LRBA: variants seen among roughly 807,000 people sequenced by gnomAD.
LRBA encodes lipopolysaccharide-responsive and beige-like anchor protein.
Under a neutral mutation model 330.0 loss-of-function variants are expected in LRBA, and 176 were observed. The observed-to-expected ratio is 0.53, with a 90% CI of 0.47 to 0.60. The LOEUF is 0.60. Ranked by LOEUF, LRBA falls within the 20% of genes least tolerant of loss-of-function variation. The pLI, the probability that LRBA is intolerant of heterozygous loss-of-function variation, is 0.00. For synonymous variants in LRBA, 1,230 were observed against 1,193.0 expected, an observed-to-expected ratio of 1.03 and a Z score of -0.64; for missense variants, 3,259 against 3,444.8, an observed-to-expected ratio of 0.95 and a Z score of 1.35.
At chr4:151,009,945 A>T (rs1272174597) in intron 2 of LRBA, among the ~76,000 whole-genome samples, 1 of 152,148 alleles carries the variant, frequency 6.6e-6, no homozygotes, top group Admixed American at 6.5e-5. Context: ...GCGCCACTGC[A>T]CTCCAGCATG....
chr4:150,654,760 T>C (rs1475732982), intron 37 of LRBA, among the ~76,000 whole-genome samples: 4 of 152,176 alleles, frequency 2.6e-5, no homozygotes, highest in Non-Finnish European at 4.4e-5. Context: ...GTTCTCATTG[T>C]TCGATTCCCA....
chr4:150,763,649 A>G (rs1389043248), intron 34 of LRBA, among the ~76,000 whole-genome samples: 1 of 151,958 alleles, frequency 6.6e-6, no homozygotes, highest in East Asian at 1.9e-4. Flanking sequence ...GACAAAAAGC[A>G]GAAACCTCAA....
intron 28 of LRBA, among the ~76,000 whole-genome samples, chr4:150,834,517 C>T (rs1346203584): frequency 1.3e-5 from 2 of 152,178 alleles, no homozygotes; most frequent in East Asian, 1.9e-4. Flanking sequence ...TTTGAAAAGA[C>T]TCTTTTCTTC....
intron 37 of LRBA, among the ~76,000 whole-genome samples, chr4:150,625,247 T>C (rs766589123): frequency 6.6e-6 from 1 of 152,136 alleles, no homozygotes; most frequent in Non-Finnish European, 1.5e-5. Flanking sequence ...CAATCACCTT[T>C]TGAAATCTAC....
At chr4:150,579,186 T>C in intron 40 of LRBA, 1 of 456,514 alleles carries the variant, frequency 2.2e-6, no homozygotes, top group South Asian at 1.5e-5. Context: ...TAATACACCA[T>C]CAAGGAGCTG....
intron 31 of LRBA, among the ~76,000 whole-genome samples, chr4:150,814,838 A>G (rs1275656050): frequency 2.0e-5 from 3 of 152,020 alleles, no homozygotes; most frequent in Non-Finnish European, 4.4e-5. Flanking sequence ...CAAGATAGCA[A>G]ATTGTTTTAT....
chr4:150,804,021 G>A (rs1578833493), intron 33 of LRBA, among the ~76,000 whole-genome samples: 1 of 151,904 alleles, frequency 6.6e-6, no homozygotes, highest in East Asian at 1.9e-4. Flanking sequence ...CTTACTCACT[G>A]TAATAAAATT....
At chr4:150,465,747 C>A (rs1249041738) in intron 44 of LRBA, among the ~76,000 whole-genome samples, 1 of 152,092 alleles carries the variant, frequency 6.6e-6, no homozygotes. Flanking sequence ...CCTTATTAGA[C>A]ATGTGATCCA....
chr4:150,555,655 G>A (rs1767211666), intron 40 of LRBA, among the ~76,000 whole-genome samples: 1 of 151,642 alleles, frequency 6.6e-6, no homozygotes. Context: ...GGAGGCTAAG[G>A]CAGGAGAATC....
intron 46 of LRBA, among the ~76,000 whole-genome samples, chr4:150,420,277 A>G (rs1748460241): frequency 6.8e-6 from 1 of 147,778 alleles, no homozygotes; most frequent in South Asian, 2.1e-4. Flanking sequence ...GTATATATAT[A>G]AAGTATATAT....
intron 40 of LRBA, among the ~76,000 whole-genome samples, chr4:150,514,399 A>G (rs1348693650): frequency 6.6e-6 from 1 of 151,946 alleles, no homozygotes; most frequent in African/African-American, 2.4e-5. Flanking sequence ...GACAACCTGG[A>G]TGATATCTAT....
chr4:150,701,909 T>C (rs1202026022), intron 36 of LRBA, among the ~76,000 whole-genome samples: 1 of 152,140 alleles, frequency 6.6e-6, no homozygotes, highest in Non-Finnish European at 1.5e-5. Flanking sequence ...GGCAGAACCA[T>C]CCTGGGCCAA....
chr4:150,914,093 C>CTTT, intron 9 of LRBA, 102 bp downstream of exon 9: 11 of 720,450 alleles, frequency 1.5e-5, no homozygotes, highest in East Asian at 6.3e-5. Context: ...TCTCATTTTT[C>CTTT]TTTTTTTTTT....
At chr4:150,678,825 G>A (rs986130035) in intron 37 of LRBA, among the ~76,000 whole-genome samples, 9 of 152,050 alleles carry the variant, frequency 5.9e-5, no homozygotes, top group East Asian at 1.9e-4. Flanking sequence ...AAAAATAAAC[G>A]CATTAGAAAG....
chr4:150,608,642 C>T (rs1482070124), intron 37 of LRBA, among the ~76,000 whole-genome samples: 4 of 152,106 alleles, frequency 2.6e-5, no homozygotes, highest in African/African-American at 9.7e-5. Context: ...TTAAAATGTA[C>T]AATTCAACGT....
chr4:150,310,369 A>C lies in LRBA; in HGVS notation c.7709T>G (p.Met2570Arg). The change falls in exon 52 of 57, where the codon ATG (methionine) becomes AGG (arginine). Residue 2570 changes from methionine (M) to arginine (R), a missense_variant. Coordinates refer to ENST00000651943, the MANE Select transcript of LRBA (RefSeq NM_001364905.1). ...IDPLIASNTG[M>R]HRRQITDLLD... The stretch of plus-strand genomic sequence containing the variant: ...AAGGTCAGTGATTTGCCTCCTGTGC[A>C]TTCCTGTATTGCTGGCTGTAAGAAT... 2 of 1,613,174 alleles carry C rather than the reference A, an allele frequency of 1.2e-6. No homozygotes were observed. Among genetic ancestry groups the C allele is most frequent in the Non-Finnish European group, 1.7e-6 (2 of 1,179,422 alleles).
intron 34 of LRBA, among the ~76,000 whole-genome samples, chr4:150,792,142 C>A (rs1211444288): frequency 1.3e-5 from 2 of 149,420 alleles, no homozygotes; most frequent in Non-Finnish European, 3.0e-5. Context: ...TATTTCATTA[C>A]CTCAATTATT....
intron 4 of LRBA, among the ~76,000 whole-genome samples, chr4:150,923,227 G>A (rs1027663838): frequency 6.6e-6 from 1 of 150,954 alleles, no homozygotes; most frequent in Non-Finnish European, 1.5e-5. Flanking sequence ...TTAAAATAGG[G>A]ACCAAAACCT....
chr4:150,623,285 T>C (rs1776495744), intron 37 of LRBA, among the ~76,000 whole-genome samples: 1 of 152,236 alleles, frequency 6.6e-6, no homozygotes, highest in African/African-American at 2.4e-5. Context: ...ACTTCACTTC[T>C]AGGTATGTAT....
Sources: allele counts gnomAD v4.1 joint callset (sites outside exome capture counted in the v4.1 genomes callset), GRCh38; gene constraint gnomAD v4.1.1; transcripts MANE v1.5; gene names NCBI Gene and HGNC (gene_info 2026-07-23, HGNC 2026-07-21).